Variants in WDR19 observed in about 807,000 individuals in gnomAD.
WDR19 encodes the protein WD repeat domain 19, also known as WD repeat-containing protein 19.
A neutral mutation model predicts 180.0 loss-of-function variants in WDR19; 121 were observed. The ratio of observed to expected loss-of-function variants is 0.67; its 90% CI spans 0.58 to 0.78. The LOEUF (loss-of-function observed/expected upper bound fraction) is 0.78, where lower values mean the gene tolerates loss of function less well. Among genes scored for constraint, WDR19 ranks in the 30% least tolerant of loss-of-function variants. The probability of loss-of-function intolerance (pLI) is 0.00; values close to 1 mark genes in which losing one functional copy is unlikely to be tolerated. For missense variants in WDR19, 1,450 were observed against 1,640.7 expected (o/e 0.88, Z 2.01); for synonymous variants, 497 against 540.7 (o/e 0.92, Z 1.12).
chr4:39,256,970 T>G (rs1733822757), intron 27 of WDR19, among the ~76,000 whole-genome samples: 1 of 152,234 alleles, frequency 6.6e-6, no homozygotes, highest in Non-Finnish European at 1.5e-5. Context: ...TTTGTCTTTT[T>G]ATAGTTGTAA....
intron 1 of WDR19, among the ~76,000 whole-genome samples, chr4:39,183,270 T>A (rs1050286769): frequency 6.8e-6 from 1 of 147,814 alleles, no homozygotes; most frequent in Non-Finnish European, 1.5e-5. Flanking sequence ...TTTTTTTTTT[T>A]ACTGAGTCTC....
At position 39,205,825 on chromosome 4, in the gene WDR19, C is replaced by G. The variant is rs943230638; in HGVS notation, c.890+89C>G. On this transcript the variant is annotated intron_variant, in intron 9 of 36. Coordinates refer to ENST00000399820, the MANE Select transcript of WDR19 (RefSeq NM_025132.4). ...ACTTTGTTAGCTAATATGAATCTGG[C>G]AATCATGTTTACAATTTAAAACGTC... 4.9e-6 allele frequency: 6 copies of G among 1,220,388 alleles called. No homozygotes were observed. In the African/African-American group the frequency reaches 9.2e-5, roughly 19 times the overall value. 75.6% of individuals were successfully genotyped at this position (1,220,388 alleles called of 1,614,324 possible).
intron 31 of WDR19, among the ~76,000 whole-genome samples, chr4:39,272,185 T>C (rs1394063290): frequency 1.3e-5 from 2 of 152,158 alleles, no homozygotes; most frequent in Non-Finnish European, 2.9e-5. Context: ...TCTAACAAAA[T>C]GGAGTCTTTA....
chr4:39,218,322 T>G (rs1729295321), intron 14 of WDR19: 1 of 619,580 alleles, frequency 1.6e-6, no homozygotes, highest in African/African-American at 1.8e-5. Flanking sequence ...TGTGTGGATG[T>G]CATAGAGTGT....
chr4:39,241,804 A>G (rs1269837582), intron 21 of WDR19, among the ~76,000 whole-genome samples: 1 of 151,618 alleles, frequency 6.6e-6, no homozygotes, highest in Non-Finnish European at 1.5e-5. Context: ...TCAAAAAAAA[A>G]AAAAAGAAAG....
intron 31 of WDR19, among the ~76,000 whole-genome samples, chr4:39,271,131 A>G (rs1735327898): frequency 6.6e-6 from 1 of 152,174 alleles, no homozygotes; most frequent in Admixed American, 6.5e-5. Context: ...TCCTGTCCTC[A>G]GGCAATCCAC....
chr4:39,254,082 CTT>C (rs1733524729), intron 26 of WDR19, 52 bp downstream of exon 26: 23 of 1,561,666 alleles, frequency 1.5e-5, no homozygotes, highest in Non-Finnish European at 1.9e-5. Context: ...CATAAAAACA[CTT>C]TGTCTCTTAT....
intron 36 of WDR19, among the ~76,000 whole-genome samples, chr4:39,284,851 A>C (rs1394524775): frequency 6.6e-6 from 1 of 152,044 alleles, no homozygotes; most frequent in Non-Finnish European, 1.5e-5. Context: ...CTCCTTGCAG[A>C]TATGTCTTCA....
At chr4:39,205,514 C>T in intron 8 of WDR19, 49 bp from the exon 9 acceptor site, 1 of 1,565,856 alleles carries the variant, frequency 6.4e-7, no homozygotes, top group East Asian at 2.3e-5. Context: ...CATGTTGCCA[C>T]TGATAGCTAA....
chr4:39,273,429 A>G, intron 32 of WDR19: 2 of 222,254 alleles, frequency 9.0e-6, no homozygotes, highest in Non-Finnish European at 1.7e-5. Flanking sequence ...CTTGTACAAC[A>G]TGGTGAAACG....
At chr4:39,266,016 C>T (rs373262488) in intron 28 of WDR19, 47 bp from the exon 29 acceptor site, 214 of 1,485,818 alleles carry the variant, frequency 1.4e-4, no homozygotes, top group Middle Eastern at 3.4e-4. Flanking sequence ...CACTCTTGCT[C>T]GGTTTAAGAT....
At position 39,195,407 on chromosome 4, in the gene WDR19, T is replaced by C. The variant is rs1383464222; in HGVS notation, c.406+748T>C. On this transcript the variant is annotated intron_variant, in intron 5 of 36. Coordinates refer to ENST00000399820, the MANE Select transcript of WDR19 (RefSeq NM_025132.4). ...AAAAACAAACAAACAAAAAAAAACA[T>C]TTACTGCTTGGATAGAAGCAAGATT... is the stretch of plus-strand genomic sequence containing the variant. 2.9e-5 allele frequency among the ~76,000 whole-genome samples: 4 copies of C among 138,364 alleles called. No individual in the cohort carries two copies. The South Asian group carries it at 9.4e-4, about 32-fold the overall frequency. 90.8% of individuals were successfully genotyped at this position (138,364 alleles called of 152,430 possible). A position where few individuals can be genotyped will look rare whatever the true frequency, so the allele number is the denominator to read the frequency against.
intron 28 of WDR19, among the ~76,000 whole-genome samples, chr4:39,262,135 A>G (rs1342320032): frequency 1.3e-5 from 2 of 152,174 alleles, no homozygotes; most frequent in Non-Finnish European, 2.9e-5. Flanking sequence ...GATATGACTA[A>G]CCTACAGACA....
intron 7 of WDR19, 99 bp from the exon 8 acceptor site, chr4:39,205,055 T>A (rs1727802764): frequency 7.4e-6 from 6 of 808,406 alleles, no homozygotes; most frequent in Non-Finnish European, 1.2e-5. Flanking sequence ...ATTGGGCTTA[T>A]TATTTTCACA....
At chr4:39,281,568 TTA>T (rs1407581484) in intron 36 of WDR19, among the ~76,000 whole-genome samples, 38 of 152,214 alleles carry the variant, frequency 2.5e-4, no homozygotes, top group Admixed American at 2.5e-3. Flanking sequence ...GTTATTCTTT[TTA>T]TCTTTGTAGA....
At chr4:39,269,860 T>C (rs956607218) in intron 30 of WDR19, 116 bp from the exon 31 acceptor site, 46 of 1,345,408 alleles carry the variant, frequency 3.4e-5, no homozygotes, top group Non-Finnish European at 4.5e-5. Flanking sequence ...GAATAAGACA[T>C]TATTAAGAGA....
At chr4:39,235,297 T>A (rs2109379011) in intron 20 of WDR19, among the ~76,000 whole-genome samples, 1 of 152,204 alleles carries the variant, frequency 6.6e-6, no homozygotes, top group South Asian at 2.1e-4. Flanking sequence ...TGGCTAATTT[T>A]TAAATTTTTT....
At chr4:39,280,003 G>A (rs1222596359) in intron 36 of WDR19, among the ~76,000 whole-genome samples, 3 of 147,278 alleles carry the variant, frequency 2.0e-5, no homozygotes, top group Non-Finnish European at 3.0e-5. Context: ...ACACCCAGCC[G>A]GGTGTTTGTC....
At chr4:39,188,940 A>G (rs1199381234) in intron 3 of WDR19, among the ~76,000 whole-genome samples, 2 of 149,920 alleles carry the variant, frequency 1.3e-5, no homozygotes, top group Non-Finnish European at 3.0e-5. Context: ...TTTTTTTGGT[A>G]GAGATGGGAC....
Sources: allele counts gnomAD v4.1 joint callset (sites outside exome capture counted in the v4.1 genomes callset), GRCh38; gene constraint gnomAD v4.1.1; transcripts MANE v1.5; gene names NCBI Gene and HGNC (gene_info 2026-07-23, HGNC 2026-07-21).